Variants in LRMDA observed in about 807,000 individuals in gnomAD.
LRMDA encodes leucine rich melanocyte differentiation associated, also known as leucine-rich melanocyte differentiation-associated protein.
LRMDA carries 18 observed loss-of-function variants against 29.8 expected under a neutral mutation model. The observed-to-expected ratio is 0.60, with a 90% CI of 0.42 to 0.90. The LOEUF is 0.90. Ranked by LOEUF, LRMDA falls within the 40% of genes least tolerant of loss-of-function variation. The probability of loss-of-function intolerance (pLI) is 0.00; values close to 1 mark genes in which losing one functional copy is unlikely to be tolerated. For missense variants in LRMDA, 273 were observed against 273.9 expected (o/e 1.00, Z 0.02); for synonymous variants, 125 against 109.4 (o/e 1.14, Z -0.89).
intron 5 of LRMDA, among the ~76,000 whole-genome samples, chr10:76,241,369 C>G (rs890407290): frequency 1.3e-5 from 2 of 152,136 alleles, no homozygotes; most frequent in Non-Finnish European, 2.9e-5. Flanking sequence ...AACCTTTTAC[C>G]TAATGTTTGA....
rs115383437 is a variant in LRMDA at position 75,489,029 on chromosome 10, T to C, written c.131+50535T>C. On this transcript the variant is annotated intron_variant, in intron 2 of 6. Coordinates refer to ENST00000611255, the MANE Select transcript of LRMDA (RefSeq NM_001305581.2). ...GTCCCTCTATGACCTTGTGCACCTT[T>C]CCCAGAAAGATAAATTACATAGGTT... Among the ~76,000 whole-genome samples, 593 of 152,140 alleles carry C rather than the reference T, an allele frequency of 3.9e-3. 3 individuals are homozygous for C. The highest frequency in any genetic ancestry group is 0.013 in the African/African-American group (547 of 41,484).
At chr10:75,738,683 G>A (rs571707898) in intron 2 of LRMDA, among the ~76,000 whole-genome samples, 2 of 152,128 alleles carry the variant, frequency 1.3e-5, no homozygotes, top group African/African-American at 2.4e-5. Flanking sequence ...TCCATGACTC[G>A]AGGCAAGTGC....
At chr10:76,451,642 CTTT>C (rs777043341) in intron 6 of LRMDA, among the ~76,000 whole-genome samples, 3 of 129,958 alleles carry the variant, frequency 2.3e-5, no homozygotes, top group African/African-American at 2.9e-5. Flanking sequence ...TTCTCCAATG[CTTT>C]TTTTTTTTTT....
At chr10:76,224,667 CTTTTT>C (rs35143239) in intron 5 of LRMDA, among the ~76,000 whole-genome samples, 2 of 105,370 alleles carry the variant, frequency 1.9e-5, no homozygotes, top group Non-Finnish European at 1.9e-5. Flanking sequence ...GTCTAGGACT[CTTTTT>C]TTTTTTTTTT....
intron 5 of LRMDA, among the ~76,000 whole-genome samples, chr10:76,076,345 CAAAAAAAAAAAAAA>C: frequency 2.0e-5 from 1 of 50,032 alleles, no homozygotes; most frequent in Non-Finnish European, 3.5e-5. Flanking sequence ...GACTCCATCT[CAAAAAAAAAAAAAA>C]AAAAAAAAAG....
At chr10:76,274,681 C>A (rs564626844) in intron 5 of LRMDA, among the ~76,000 whole-genome samples, 1 of 152,132 alleles carries the variant, frequency 6.6e-6, no homozygotes, top group Non-Finnish European at 1.5e-5. Flanking sequence ...AATGATGGAA[C>A]ATCTCTACTT....
chr10:75,691,953 C>T (rs1295726617), intron 2 of LRMDA, among the ~76,000 whole-genome samples: 1 of 152,022 alleles, frequency 6.6e-6, no homozygotes, highest in Non-Finnish European at 1.5e-5. Flanking sequence ...CCTGTAATCT[C>T]AGTGCTTTGC....
rs149491442 is a variant in LRMDA at position 75,522,116 on chromosome 10, A to T, written c.131+83622A>T. 3.0e-3 allele frequency among the ~76,000 whole-genome samples: 450 copies of T among 152,250 alleles called. 4 individuals are homozygous for T. The highest frequency in any genetic ancestry group is 0.01 in the African/African-American group (423 of 41,530). On this transcript the variant is annotated intron_variant, in intron 2 of 6. Coordinates refer to ENST00000611255, the MANE Select transcript of LRMDA (RefSeq NM_001305581.2). ...AAGTGATTGCTAATCCGTGTACAGC[A>T]CCCCTCTTGAAGCAGGCGCTGTTCT... is the stretch of plus-strand genomic sequence containing the variant.
At chr10:76,219,552 A>T (rs548404653) in intron 5 of LRMDA, among the ~76,000 whole-genome samples, 12 of 152,362 alleles carry the variant, frequency 7.9e-5, no homozygotes, top group African/African-American at 2.2e-4. Context: ...GATCAATTCA[A>T]CAAGAAGAGC....
intron 2 of LRMDA, among the ~76,000 whole-genome samples, chr10:75,975,152 A>G (rs906806782): frequency 1.3e-5 from 2 of 152,236 alleles, no homozygotes; most frequent in African/African-American, 4.8e-5. Context: ...ATGCTGTACC[A>G]TAATTATCCC....
intron 2 of LRMDA, among the ~76,000 whole-genome samples, chr10:75,785,746 A>G (rs575550840): frequency 9.3e-4 from 142 of 152,358 alleles, no homozygotes; most frequent in African/African-American, 3.4e-3. Context: ...CAATCTATCA[A>G]AACGATAGAT....
chr10:75,833,664 A>G (rs1045732370), intron 2 of LRMDA, among the ~76,000 whole-genome samples: 4 of 152,228 alleles, frequency 2.6e-5, no homozygotes, highest in Admixed American at 2.0e-4. Flanking sequence ...TCAGCTAAAA[A>G]TAACAAATCT....
At chr10:76,025,127 T>A (rs1848040619) in intron 2 of LRMDA, among the ~76,000 whole-genome samples, 1 of 151,860 alleles carries the variant, frequency 6.6e-6, no homozygotes, top group Non-Finnish European at 1.5e-5. Context: ...TTGTAAAATC[T>A]CAAGCCGTGA....
intron 5 of LRMDA, among the ~76,000 whole-genome samples, chr10:76,153,090 C>T (rs577925116): frequency 2.0e-4 from 30 of 152,190 alleles, no homozygotes; most frequent in African/African-American, 3.9e-4. Flanking sequence ...CTGCCCACCT[C>T]GGCCTCCCAA....
At chr10:76,542,488 C>T (rs942986132) in intron 6 of LRMDA, among the ~76,000 whole-genome samples, 3 of 152,324 alleles carry the variant, frequency 2.0e-5, no homozygotes, top group Middle Eastern at 6.8e-3. Flanking sequence ...ACAGCACCCG[C>T]ACATGCCTGC....
At chr10:75,661,762 A>G (rs1305681508) in intron 2 of LRMDA, among the ~76,000 whole-genome samples, 2 of 152,224 alleles carry the variant, frequency 1.3e-5, no homozygotes, top group East Asian at 3.8e-4. Flanking sequence ...TGGAGGGAAG[A>G]GTGAAATTGA....
At chr10:76,431,066 C>G (rs1393351495) in intron 6 of LRMDA, among the ~76,000 whole-genome samples, 2 of 152,196 alleles carry the variant, frequency 1.3e-5, no homozygotes, top group Admixed American at 1.3e-4. Context: ...GGAGCTTTAT[C>G]TCTACAGTTC....
At chr10:76,332,929 C>G (rs753069626) in intron 6 of LRMDA, among the ~76,000 whole-genome samples, 1 of 152,038 alleles carries the variant, frequency 6.6e-6, no homozygotes, top group Non-Finnish European at 1.5e-5. Flanking sequence ...TAATACCAAC[C>G]AAACAATATA....
chr10:75,772,627 A>C (rs1400936289), intron 2 of LRMDA, among the ~76,000 whole-genome samples: 1 of 152,164 alleles, frequency 6.6e-6, no homozygotes, highest in Non-Finnish European at 1.5e-5. Context: ...CAAATTCAAA[A>C]CTGAAAGTGC....
Sources: gnomAD v4.1 joint callset for allele counts (sites outside exome capture counted in the v4.1 genomes callset) on GRCh38, gnomAD v4.1.1 for gene constraint, MANE v1.5 for transcripts, NCBI Gene and HGNC (gene_info 2026-07-23, HGNC 2026-07-21) for gene names.